Variants in DCDC1 observed in about 807,000 individuals in gnomAD.
DCDC1 encodes doublecortin domain containing 1, also known as doublecortin domain-containing protein 1.
In DCDC1, 200 loss-of-function variants were observed where a neutral mutation model predicts 178.3. The observed-to-expected ratio is 1.12, with a 90% CI of 1.00 to 1.26. The LOEUF is 1.26. Ranked by LOEUF, DCDC1 falls within the 50% of genes most tolerant of loss-of-function variation. The probability of loss-of-function intolerance (pLI) is 0.00; values close to 1 mark genes in which losing one functional copy is unlikely to be tolerated. For missense variants in DCDC1, 1,983 were observed against 1,749.2 expected, an observed-to-expected ratio of 1.13 and a Z score of -2.38; for synonymous variants, 690 against 604.8, an observed-to-expected ratio of 1.14 and a Z score of -2.07.
At chr11:30,873,056 C>A (rs571582998) in intron 38 of DCDC1, among the ~76,000 whole-genome samples, 3 of 149,868 alleles carry the variant, frequency 2.0e-5, no homozygotes, top group African/African-American at 7.3e-5. Flanking sequence ...CATGTATATA[C>A]AAGCTGGTCT....
chr11:31,345,786 T>A (rs1171065154), intron 1 of DCDC1, among the ~76,000 whole-genome samples: 1 of 152,020 alleles, frequency 6.6e-6, no homozygotes, highest in African/African-American at 2.4e-5. Flanking sequence ...AAATAGATAA[T>A]GAAAGAAAAT....
intron 9 of DCDC1, among the ~76,000 whole-genome samples, chr11:31,222,552 TAGTC>T (rs966611879): frequency 4.6e-5 from 7 of 152,330 alleles, no homozygotes; most frequent in Non-Finnish European, 7.3e-5. Context: ...AAATCTGTCT[TAGTC>T]AGCTCAGGCT....
intron 18 of DCDC1, among the ~76,000 whole-genome samples, chr11:31,068,965 C>T (rs1434827222): frequency 6.6e-6 from 1 of 151,930 alleles, no homozygotes; most frequent in Non-Finnish European, 1.5e-5. Flanking sequence ...CATTCTCCTG[C>T]CTCAGCCTCC....
chr11:30,939,210 T>C (rs1013880357), intron 21 of DCDC1, among the ~76,000 whole-genome samples: 1 of 152,152 alleles, frequency 6.6e-6, no homozygotes, highest in East Asian at 1.9e-4. Context: ...CTCCACTGTC[T>C]CCTGAATAAC....
intron 20 of DCDC1, among the ~76,000 whole-genome samples, chr11:30,967,482 C>T (rs1313936222): frequency 6.6e-6 from 1 of 152,108 alleles, no homozygotes; most frequent in African/African-American, 2.4e-5. Flanking sequence ...AATCAATGTA[C>T]AAAAATCACA....
chr11:31,330,142 G>A (rs1239829741), intron 2 of DCDC1, among the ~76,000 whole-genome samples: 2 of 152,058 alleles, frequency 1.3e-5, no homozygotes, highest in Non-Finnish European at 2.9e-5. Context: ...GCATTTCTCT[G>A]ATGACCAGTG....
chr11:31,236,427 C>T (rs1277470950), intron 9 of DCDC1, among the ~76,000 whole-genome samples: 1 of 152,004 alleles, frequency 6.6e-6, no homozygotes, highest in African/African-American at 2.4e-5. Context: ...ACTGAATTGG[C>T]ACCTTACTCA....
At chr11:30,910,945 C>T (rs983306575) in intron 28 of DCDC1, among the ~76,000 whole-genome samples, 2 of 152,194 alleles carry the variant, frequency 1.3e-5, no homozygotes, top group Admixed American at 6.5e-5. Flanking sequence ...CCTTTATAAA[C>T]GGGAGCCTTG....
intron 1 of DCDC1, among the ~76,000 whole-genome samples, chr11:31,365,331 C>T (rs1014165977): frequency 2.8e-4 from 43 of 152,160 alleles, no homozygotes; most frequent in African/African-American, 8.9e-4. Flanking sequence ...GACAATCATT[C>T]AATTTTGGAA....
At chr11:31,301,686 T>C (rs1948126217) in intron 6 of DCDC1, among the ~76,000 whole-genome samples, 1 of 152,208 alleles carries the variant, frequency 6.6e-6, no homozygotes, top group African/African-American at 2.4e-5. Context: ...ATGTGTCTTG[T>C]GTGTCGTGGA....
At chr11:31,148,344 C>T (rs1399022542) in intron 9 of DCDC1, among the ~76,000 whole-genome samples, 8 of 151,360 alleles carry the variant, frequency 5.3e-5, no homozygotes, top group African/African-American at 4.9e-5. Flanking sequence ...CTCAGGAGTT[C>T]GAGACCAGCC....
chr11:31,054,875 T>C (rs895554296), intron 20 of DCDC1, among the ~76,000 whole-genome samples: 2 of 152,164 alleles, frequency 1.3e-5, no homozygotes, highest in African/African-American at 4.8e-5. Context: ...TGTGAAATTA[T>C]AAAAATTCTA....
At chr11:31,187,937 T>C (rs1042341363) in intron 9 of DCDC1, among the ~76,000 whole-genome samples, 1 of 152,202 alleles carries the variant, frequency 6.6e-6, no homozygotes, top group East Asian at 1.9e-4. Flanking sequence ...ATAATAATAA[T>C]ACTTGATATT....
At chr11:30,992,806 C>T (rs1430929138) in intron 20 of DCDC1, 1 of 152,050 alleles carries the variant, frequency 6.6e-6, no homozygotes, top group Non-Finnish European at 1.5e-5. Flanking sequence ...GTTACTACTT[C>T]CTGACTGTCA....
At position 30,881,271 on chromosome 11, in the gene DCDC1, T is replaced by C; in HGVS notation, c.5120A>G (p.His1707Arg). The change falls in exon 37 of 39, where the codon CAC (histidine) becomes CGC (arginine). Residue 1707 changes from histidine to arginine, a missense_variant. By Grantham distance (29) the His-to-Arg change is conservative (BLOSUM62 0). Transcript: ENST00000684477. Reference sequence around the variant, plus strand: ...GGGGGTGTACAGTGCTCTAGCTGGGTGGGTCATTTTGAGACGAGAGGAGCA... The same window carrying C: ...GGGGGTGTACAGTGCTCTAGCTGGGCGGGTCATTTTGAGACGAGAGGAGCA... ...QDCSSRLKMTHPARALYTPSG... is the reference protein window; with the variant it reads ...QDCSSRLKMTRPARALYTPSG... The C allele has an allele frequency of 6.2e-7, 1 of 1,613,418 alleles. No individual in the cohort carries two copies. The highest frequency in any genetic ancestry group is 1.7e-4 in the Middle Eastern group (1 of 6,052).
intron 6 of DCDC1, among the ~76,000 whole-genome samples, chr11:31,296,279 C>A (rs1339353431): frequency 6.6e-6 from 1 of 152,182 alleles, no homozygotes; most frequent in East Asian, 1.9e-4. Context: ...CTGTTCTTGT[C>A]TTACCCTAGT....
intron 5 of DCDC1, among the ~76,000 whole-genome samples, chr11:31,306,029 T>A (rs1948432694): frequency 6.6e-6 from 1 of 152,134 alleles, no homozygotes; most frequent in South Asian, 2.1e-4. Context: ...TAGAGTTTCA[T>A]CTGTTTAAAT....
chr11:30,891,234 C>A (rs551474526), intron 36 of DCDC1, among the ~76,000 whole-genome samples: 1 of 152,056 alleles, frequency 6.6e-6, no homozygotes, highest in Non-Finnish European at 1.5e-5. Flanking sequence ...AAAAATATTT[C>A]CACAGACATA....
chr11:31,290,518 A>T, intron 7 of DCDC1, 129 bp downstream of exon 7: 3 of 971,914 alleles, frequency 3.1e-6, no homozygotes, highest in Non-Finnish European at 4.5e-6. Flanking sequence ...AGAATTTTTT[A>T]GTTCTATATA....
Sources: allele counts gnomAD v4.1 joint callset (sites outside exome capture counted in the v4.1 genomes callset), GRCh38; gene constraint gnomAD v4.1.1; transcripts MANE v1.5; gene names NCBI Gene and HGNC (gene_info 2026-07-23, HGNC 2026-07-21).